The following KLB variants were observed in gnomAD, a reference collection of about 807,000 sequenced individuals.
The protein encoded by KLB is beta-klotho.
Under a neutral mutation model 88.4 loss-of-function variants are expected in KLB, and 44 were observed. The observed-to-expected ratio is 0.50, with a 90% CI of 0.39 to 0.64. The LOEUF is 0.64. Ranked by LOEUF, KLB falls within the 30% of genes least tolerant of loss-of-function variation. KLB has a pLI of 0.00. For missense variants in KLB, 1,137 were observed against 1,304.8 expected (o/e 0.87, Z 1.98); for synonymous variants, 548 against 513.4 (o/e 1.07, Z -0.91).
intron 3 of KLB, among the ~76,000 whole-genome samples, chr4:39,443,374 TC>T (rs1429394454): frequency 6.9e-6 from 1 of 144,744 alleles, no homozygotes; most frequent in Non-Finnish European, 1.5e-5. Context: ...TCCTCCCTAC[TC>T]CCCCCAAAAA....
chr4:39,432,260 T>C (rs920353140), intron 1 of KLB, among the ~76,000 whole-genome samples: 5 of 151,616 alleles, frequency 3.3e-5, no homozygotes, highest in Non-Finnish European at 7.4e-5. Flanking sequence ...CATTCCAGCC[T>C]GGGTGACAGA....
intron 1 of KLB, among the ~76,000 whole-genome samples, chr4:39,423,049 G>A (rs1243751542): frequency 6.6e-6 from 1 of 151,766 alleles, no homozygotes; most frequent in Non-Finnish European, 1.5e-5. Context: ...TTACAGGCGT[G>A]AGCCACCGCT....
chr4:39,430,593 ATTTTTTTTTTTT>A (rs373054180), intron 1 of KLB, among the ~76,000 whole-genome samples: 2 of 87,678 alleles, frequency 2.3e-5, no homozygotes, highest in African/African-American at 8.1e-5. Context: ...CTGAGAGGAA[ATTTTTTTTTTTT>A]TTTTTTTTTT....
chr4:39,439,009 T>TA (rs1176411148), intron 3 of KLB, among the ~76,000 whole-genome samples: 1 of 151,758 alleles, frequency 6.6e-6, no homozygotes, highest in East Asian at 1.9e-4. Context: ...TCATCTTTTT[T>TA]TTTTTTTTTT....
chr4:39,407,592 A>G lies in KLB; in HGVS notation c.643A>G (p.Ile215Val), dbSNP rs143980402. The change falls in exon 1 of 5, where the codon ATA (isoleucine) becomes GTA (valine). Residue 215 changes from isoleucine to valine, a missense_variant. Physicochemically the swap from Ile to Val is conservative, Grantham distance 29. Coordinates refer to ENST00000257408, the MANE Select transcript of KLB (RefSeq NM_175737.4). ...KYGGWKNDTI[I>V]DIFNDYATYC... ...TGGGGGGTGGAAAAATGATACCATAATAGATATCTTCAATGACTATGCCAC... is the reference window on the plus strand; with the variant it reads ...TGGGGGGTGGAAAAATGATACCATAGTAGATATCTTCAATGACTATGCCAC... 1.2e-6 allele frequency: 2 copies of G among 1,614,188 alleles called. No individual in the cohort carries two copies. The highest frequency in any genetic ancestry group is 1.6e-4 in the Middle Eastern group (1 of 6,062).
At chr4:39,422,587 T>C (rs547293703) in intron 1 of KLB, among the ~76,000 whole-genome samples, 1 of 152,306 alleles carries the variant, frequency 6.6e-6, no homozygotes, top group East Asian at 1.9e-4. Context: ...ACTAGATATG[T>C]GTTAGCTCTT....
chr4:39,427,273 A>G (rs149348635), intron 1 of KLB, among the ~76,000 whole-genome samples: 14,479 of 152,202 alleles, frequency 0.095, 845 homozygotes, highest in Middle Eastern at 0.14. Context: ...GCTTGAGGTC[A>G]GGAGTTCAAG....
Position 39,448,172 on chromosome 4 carries a change from A to T in KLB, c.2750-129A>T, listed in dbSNP as rs56203519. ...TCATAAAAGAATAAATGTCAAAAAA[A>T]ACCCTCTAATAAAAATCACTACCTT... is the stretch of plus-strand genomic sequence containing the variant. On this transcript the variant is annotated intron_variant, in intron 4 of 4. Transcript: ENST00000257408. The T allele has an allele frequency of 6.3e-6, 4 of 636,508 alleles. No individual in the cohort carries two copies. In the East Asian group the frequency reaches 1.1e-4, roughly 18 times the overall value. 39.4% of individuals were successfully genotyped at this position (636,508 alleles called of 1,614,324 possible). A position where few individuals can be genotyped will look rare whatever the true frequency, so the allele number is the denominator to read the frequency against.
chr4:39,409,723 T>C (rs7442271), intron 1 of KLB, among the ~76,000 whole-genome samples: 30,915 of 151,264 alleles, frequency 0.2, 3,264 homozygotes, highest in East Asian at 0.39. Context: ...ATCAGGAGTT[T>C]GAGACCAGCC....
chr4:39,430,178 T>C (rs1322423359), intron 1 of KLB, among the ~76,000 whole-genome samples: 1 of 152,218 alleles, frequency 6.6e-6, no homozygotes, highest in Non-Finnish European at 1.5e-5. Context: ...AAGCAAGACA[T>C]TAAATTTGCA....
intron 2 of KLB, among the ~76,000 whole-genome samples, chr4:39,435,089 G>A (rs1743444528): frequency 6.6e-6 from 1 of 151,880 alleles, no homozygotes; most frequent in Non-Finnish European, 1.5e-5. Flanking sequence ...TTACAGGCAT[G>A]AGCCACCATG....
intron 1 of KLB, among the ~76,000 whole-genome samples, chr4:39,425,649 C>T (rs1447415664): frequency 6.6e-6 from 1 of 152,130 alleles, no homozygotes; most frequent in Non-Finnish European, 1.5e-5. Flanking sequence ...CCATGTTGCC[C>T]AGGCTGGTCT....
Position 39,434,632 on chromosome 4 carries a change from G to A in KLB, c.1248G>A (p.Glu416=), listed in dbSNP as rs1230989756. ...ACAACCCTCGAATCTTGATTGCTGA[G>A]AATGGCTGGTTCACAGACAGTCGTG... ...EYNNPRILIA[E]NGWFTDSRVK... is the part of the protein sequence containing the mutation. The change falls in exon 2 of 5, where the codon GAG becomes GAA. Residue 416 remains glutamate, a synonymous_variant. Coordinates refer to ENST00000257408, the MANE Select transcript of KLB (RefSeq NM_175737.4). The A allele has an allele frequency of 3.7e-6, 6 of 1,614,106 alleles. No individual in the cohort carries two copies. The East Asian group carries it at 6.7e-5, about 18-fold the overall frequency.
In KLB at chr4:39,440,908, A is replaced by T. The variant is rs950084104; in HGVS notation, c.1605+2913A>T. On this transcript the variant is annotated intron_variant, in intron 3 of 4. Coordinates refer to ENST00000257408, the MANE Select transcript of KLB (RefSeq NM_175737.4). ...AGTCTCACTTTGTCTTCCAGGCTGG[A>T]GTGCAGTGGCGTGATCTCAGCTCAC... Among the ~76,000 whole-genome samples the T allele has an allele frequency of 3.3e-5, 5 of 151,852 alleles. No homozygotes were observed. In the East Asian group the frequency reaches 9.7e-4, roughly 29 times the overall value.
At position 39,407,205 on chromosome 4, in the gene KLB, T is replaced by C; in HGVS notation, c.256T>C (p.Phe86Leu). ...FLYDTFPKNFFWGIGTGALQV... is the reference protein window; with the variant it reads ...FLYDTFPKNFLWGIGTGALQV... ...CTATGACACTTTCCCTAAAAACTTT[T>C]TCTGGGGTATTGGGACTGGAGCATT... Residue 86 changes from phenylalanine to leucine, a missense_variant, in exon 1 of 5, where the codon TTC becomes CTC. Physicochemically the swap from Phe to Leu is conservative, Grantham distance 22. Coordinates refer to ENST00000257408, the MANE Select transcript of KLB (RefSeq NM_175737.4). 1.9e-6 allele frequency: 3 copies of C among 1,614,142 alleles called. No homozygotes were observed. The highest frequency in any genetic ancestry group is 1.3e-5 in the African/African-American group (1 of 75,028).
intron 1 of KLB, among the ~76,000 whole-genome samples, chr4:39,413,183 A>G (rs1394837204): frequency 6.6e-6 from 1 of 152,180 alleles, no homozygotes; most frequent in Non-Finnish European, 1.5e-5. Context: ...TAGTTTTTTC[A>G]ATCCCAGAAA....
Position 39,407,576 on chromosome 4 carries a change from G to A in KLB, c.627G>A (p.Trp209Ter). 1 of 1,614,016 alleles carries A rather than the reference G, an allele frequency of 6.2e-7. No homozygotes were observed. Among genetic ancestry groups the A allele is most frequent in the Non-Finnish European group, 8.5e-7 (1 of 1,179,918 alleles). The change falls in exon 1 of 5, where the codon TGG (tryptophan) becomes TGA (stop). Residue 209 changes from tryptophan to a stop codon, truncating the protein, a stop_gained. Transcript: ENST00000257408. LOFTEE classifies it high-confidence loss of function. ...CACTACAAGAAAAATATGGGGGGTG[G>A]AAAAATGATACCATAATAGATATCT... ...PLALQEKYGG[W>*]KNDTIIDIFN... is the part of the protein sequence containing the mutation.
At chr4:39,439,342 G>A (rs1321259447) in intron 3 of KLB, among the ~76,000 whole-genome samples, 2 of 152,100 alleles carry the variant, frequency 1.3e-5, no homozygotes. Flanking sequence ...GGCAACTGAA[G>A]TTTAAGGGGG....
intron 1 of KLB, among the ~76,000 whole-genome samples, chr4:39,423,418 CT>C (rs1560646933): frequency 1.3e-5 from 2 of 151,780 alleles, no homozygotes; most frequent in Admixed American, 1.3e-4. Flanking sequence ...CTATTTAGCT[CT>C]TTTAATAACC....
Sources: allele counts gnomAD v4.1 joint callset (sites outside exome capture counted in the v4.1 genomes callset), GRCh38; gene constraint gnomAD v4.1.1; transcripts MANE v1.5; gene names NCBI Gene and HGNC (gene_info 2026-07-23, HGNC 2026-07-21).